ATRNL1: variants seen among roughly 807,000 people sequenced by gnomAD.
ATRNL1 encodes the protein attractin like 1, also known as attractin-like protein 1.
ATRNL1 carries 95 observed loss-of-function variants against 182.7 expected under a neutral mutation model. The observed-to-expected ratio is 0.52, with a 90% CI of 0.44 to 0.62. ATRNL1 has a LOEUF of 0.62. Among genes scored for constraint, ATRNL1 ranks in the 20% least tolerant of loss-of-function variants. ATRNL1 has a pLI of 0.00. For synonymous variants in ATRNL1, 576 were observed against 568.3 expected, an observed-to-expected ratio of 1.01 and a Z score of -0.19; for missense variants, 1,471 against 1,679.5, an observed-to-expected ratio of 0.88 and a Z score of 2.17.
At chr10:115,814,666 A>G (rs1441297559) in intron 27 of ATRNL1, among the ~76,000 whole-genome samples, 2 of 152,126 alleles carry the variant, frequency 1.3e-5, no homozygotes, top group Non-Finnish European at 2.9e-5. Flanking sequence ...TTTAATTGAC[A>G]GGGTAAGGCA....
At chr10:115,698,892 G>A (rs1159109460) in intron 26 of ATRNL1, among the ~76,000 whole-genome samples, 2 of 151,930 alleles carry the variant, frequency 1.3e-5, no homozygotes, top group Non-Finnish European at 2.9e-5. Flanking sequence ...TTAAATTTTA[G>A]TAATATTTAA....
intron 24 of ATRNL1, among the ~76,000 whole-genome samples, chr10:115,498,796 A>C (rs924114882): frequency 6.6e-6 from 1 of 152,052 alleles, no homozygotes; most frequent in Admixed American, 6.6e-5. Flanking sequence ...ATATATATGC[A>C]TTAAAAAATT....
At chr10:115,424,340 C>T (rs1301111155) in intron 20 of ATRNL1, among the ~76,000 whole-genome samples, 1 of 152,120 alleles carries the variant, frequency 6.6e-6, no homozygotes, top group Non-Finnish European at 1.5e-5. Context: ...TGGAAATGCA[C>T]ATTAATACAG....
Position 115,121,722 on chromosome 10 carries a change from G to T in ATRNL1, c.401G>T (p.Arg134Ile). 1 of 1,548,696 alleles carries T rather than the reference G, an allele frequency of 6.5e-7. No homozygotes were observed. The highest frequency in any genetic ancestry group is 8.8e-7 in the Non-Finnish European group (1 of 1,142,852). Residue 134 changes from arginine to isoleucine, a missense_variant, in exon 3 of 29, where the codon AGA becomes ATA. Physicochemically the swap from Arg to Ile is moderately conservative, Grantham distance 97 (BLOSUM62 -3). Transcript: ENST00000355044. ...AGTCCAAATGCAGTGTTAAGATTAA[G>T]ATTCAATCATTTTGCTACAGAATGT... ...EGYPNAVLRL[R>I]FNHFATECSW...
chr10:115,136,715 C>T (rs1845529845), intron 5 of ATRNL1, among the ~76,000 whole-genome samples: 1 of 152,082 alleles, frequency 6.6e-6, no homozygotes, highest in Non-Finnish European at 1.5e-5. Flanking sequence ...TATGATTGGC[C>T]TTTTTGACTT....
intron 28 of ATRNL1, among the ~76,000 whole-genome samples, chr10:115,912,360 A>C (rs1952706548): frequency 6.6e-6 from 1 of 152,192 alleles, no homozygotes; most frequent in South Asian, 2.1e-4. Context: ...TAAAGTAGAT[A>C]TTAAAACAAT....
intron 21 of ATRNL1, among the ~76,000 whole-genome samples, chr10:115,444,921 G>A (rs559861916): frequency 6.6e-6 from 1 of 150,854 alleles, no homozygotes; most frequent in Non-Finnish European, 1.5e-5. Context: ...AGTAGAGATG[G>A]GGTTTCACCA....
intron 26 of ATRNL1, among the ~76,000 whole-genome samples, chr10:115,560,590 C>A (rs927996046): frequency 1.6e-4 from 24 of 152,122 alleles, no homozygotes; most frequent in African/African-American, 5.8e-4. Flanking sequence ...TGACAGTACT[C>A]CCAAACTTAT....
intron 28 of ATRNL1, among the ~76,000 whole-genome samples, chr10:115,900,667 C>T (rs1315803916): frequency 2.6e-5 from 4 of 152,186 alleles, no homozygotes; most frequent in African/African-American, 7.2e-5. Context: ...GGAACTTGCT[C>T]ATGCCCACGT....
chr10:115,659,995 G>T (rs1860574973), intron 26 of ATRNL1, among the ~76,000 whole-genome samples: 1 of 152,110 alleles, frequency 6.6e-6, no homozygotes. Context: ...TTCTAATGAG[G>T]ATCCACTGAA....
At chr10:115,331,214 C>T (rs1210216273) in intron 18 of ATRNL1, among the ~76,000 whole-genome samples, 1 of 152,096 alleles carries the variant, frequency 6.6e-6, no homozygotes, top group African/African-American at 2.4e-5. Context: ...CGCCCGCCAC[C>T]AAGCCTGGCT....
At chr10:115,896,758 G>T (rs1334053048) in intron 28 of ATRNL1, among the ~76,000 whole-genome samples, 1 of 152,118 alleles carries the variant, frequency 6.6e-6, no homozygotes, top group Non-Finnish European at 1.5e-5. Context: ...GTAGTATAGG[G>T]AGAGTTGGCT....
At chr10:115,630,136 T>A (rs1271686208) in intron 26 of ATRNL1, among the ~76,000 whole-genome samples, 1 of 152,096 alleles carries the variant, frequency 6.6e-6, no homozygotes, top group African/African-American at 2.4e-5. Context: ...TTTGTTTAAT[T>A]ATCAGAATTT....
chr10:115,410,517 C>T (rs1205241707), intron 20 of ATRNL1, among the ~76,000 whole-genome samples: 2 of 151,778 alleles, frequency 1.3e-5, no homozygotes, highest in African/African-American at 4.8e-5. Flanking sequence ...GATGCAGTTT[C>T]ACCATGTTGG....
chr10:115,655,425 A>G (rs1021101347), intron 26 of ATRNL1, among the ~76,000 whole-genome samples: 3 of 152,172 alleles, frequency 2.0e-5, no homozygotes, highest in Non-Finnish European at 4.4e-5. Context: ...TATTAAGGTT[A>G]TTTTTTCTTC....
At chr10:115,534,175 CGTT>C (rs1851799326) in intron 25 of ATRNL1, among the ~76,000 whole-genome samples, 2 of 151,354 alleles carry the variant, frequency 1.3e-5, no homozygotes, top group Non-Finnish European at 3.0e-5. Flanking sequence ...CTTTCTGTCT[CGTT>C]GATCTGTCTA....
chr10:115,106,584 G>A (rs1377199442), intron 1 of ATRNL1, among the ~76,000 whole-genome samples: 5 of 152,124 alleles, frequency 3.3e-5, no homozygotes, highest in African/African-American at 4.8e-5. Flanking sequence ...ATTACCCAGC[G>A]GGAGGTAATT....
intron 26 of ATRNL1, among the ~76,000 whole-genome samples, chr10:115,585,274 G>T (rs1358805621): frequency 5.9e-5 from 5 of 85,310 alleles, no homozygotes; most frequent in African/African-American, 1.8e-4. Context: ...TCTGCTTGGT[G>T]CAGAGCTGAG....
At chr10:115,285,228 T>A (rs1377427134) in intron 14 of ATRNL1, among the ~76,000 whole-genome samples, 1 of 151,988 alleles carries the variant, frequency 6.6e-6, no homozygotes, top group Admixed American at 6.5e-5. Flanking sequence ...TTACCATTTT[T>A]AATTTTAAAA....
Sources: gnomAD v4.1 joint callset for allele counts (sites outside exome capture counted in the v4.1 genomes callset) on GRCh38, gnomAD v4.1.1 for gene constraint, MANE v1.5 for transcripts, NCBI Gene and HGNC (gene_info 2026-07-23, HGNC 2026-07-21) for gene names.